Variants in SLC33A1 observed in about 807,000 individuals in gnomAD.
The protein encoded by SLC33A1 is solute carrier family 33 member 1, also known as acetyl-coenzyme A transporter 1.
In SLC33A1, 20 loss-of-function variants were observed where a neutral mutation model predicts 50.0. The observed-to-expected ratio is 0.40, with a 90% CI of 0.28 to 0.58. SLC33A1 has a LOEUF of 0.58. SLC33A1 is among the 20% of genes least tolerant of loss of function. SLC33A1 has a pLI of 0.44. For missense variants in SLC33A1, 476 were observed against 657.0 expected, an observed-to-expected ratio of 0.72 and a Z score of 3.01; for synonymous variants, 265 against 251.8, an observed-to-expected ratio of 1.05 and a Z score of -0.50.
chr3:155,842,374 T>A, intron 2 of SLC33A1, 58 bp downstream of exon 2: 1 of 1,072,204 alleles, frequency 9.3e-7, no homozygotes, highest in Non-Finnish European at 1.4e-6. Context: ...GCATTGTAAG[T>A]ATTCCATGAT....
Position 155,853,682 on chromosome 3 carries a change from A to G in SLC33A1, c.316T>C (p.Tyr106His). Reference protein sequence around the residue: ...PLILQSKNVSYTDQAFFSFVF... With the variant: ...PLILQSKNVSHTDQAFFSFVF... Reference sequence around the variant, plus strand: ...AAACTGAAGAAAGCTTGGTCTGTATAGCTAACATTTTTGCTTTGCAAAATG... The same window carrying G: ...AAACTGAAGAAAGCTTGGTCTGTATGGCTAACATTTTTGCTTTGCAAAATG... The change falls in exon 1 of 6, where the codon TAT becomes CAT. Residue 106 changes from tyrosine (Y) to histidine (H), a missense_variant. Transcript: ENST00000643144. The G allele has an allele frequency of 2.5e-6, 4 of 1,614,196 alleles. No homozygotes were observed. Among genetic ancestry groups the G allele is most frequent in the Non-Finnish European group, 3.4e-6 (4 of 1,180,020 alleles).
chr3:155,837,212 T>C (rs926149341), intron 2 of SLC33A1, among the ~76,000 whole-genome samples: 6 of 151,726 alleles, frequency 4.0e-5, no homozygotes, highest in Non-Finnish European at 8.8e-5. Context: ...CAAAATTAGC[T>C]GGGCGTGGTG....
At chr3:155,850,174 AATTTTTGT>A (rs1199200985) in intron 1 of SLC33A1, among the ~76,000 whole-genome samples, 1 of 151,564 alleles carries the variant, frequency 6.6e-6, no homozygotes, top group Non-Finnish European at 1.5e-5. Context: ...ACACCGGGCT[AATTTTTGT>A]ATTTTTAGAA....
chr3:155,853,452 C>T lies in SLC33A1; in HGVS notation c.546G>A (p.Ala182=), dbSNP rs754093552. 1 of 1,613,964 alleles carries T rather than the reference C, an allele frequency of 6.2e-7. No individual in the cohort carries two copies. Among genetic ancestry groups the T allele is most frequent in the Admixed American group, 1.7e-5 (1 of 60,006 alleles). The part of the protein sequence containing the change: ...RTPDVIALTV[A]FFLFEFLAAT... ...CGGCCAAGAATTCAAACAAAAAGAA[C>T]GCCACAGTGAGAGCAATCACGTCGG... Residue 182 remains alanine, a synonymous_variant, in exon 1 of 6, where the codon GCG becomes GCA. Transcript: ENST00000643144.
intron 2 of SLC33A1, among the ~76,000 whole-genome samples, chr3:155,836,532 T>C (rs1461108553): frequency 6.6e-6 from 1 of 151,974 alleles, no homozygotes; most frequent in Non-Finnish European, 1.5e-5. Context: ...GTTAAAAAAG[T>C]CTTAAAAGTT....
At chr3:155,841,264 C>G (rs1337898066) in intron 2 of SLC33A1, among the ~76,000 whole-genome samples, 2 of 152,032 alleles carry the variant, frequency 1.3e-5, no homozygotes, top group African/African-American at 4.8e-5. Flanking sequence ...CATATTCAGG[C>G]TGGTCTTGAA....
rs1487418195 is a variant in SLC33A1 at position 155,854,007 on chromosome 3, G to C, written c.-10C>G. On this transcript the variant is annotated 5_prime_UTR_variant, in exon 1 of 6. The change creates a new upstream start codon in the 5' untranslated region. Transcript: ENST00000643144. ...AGATGGTGGGTGACATATCAGAGAC[G>C]ATGCAGAGCCCCGTCTGTGGGGGGC... 1.3e-6 allele frequency: 2 copies of C among 1,536,640 alleles called. No homozygotes were observed. Among genetic ancestry groups the C allele is most frequent in the Non-Finnish European group, 1.7e-6 (2 of 1,147,166 alleles).
chr3:155,847,305 A>G (rs1037825167), intron 1 of SLC33A1, among the ~76,000 whole-genome samples: 2 of 152,218 alleles, frequency 1.3e-5, no homozygotes, highest in African/African-American at 4.8e-5. Flanking sequence ...TAGCCTATGT[A>G]AGAATACCTG....
intron 2 of SLC33A1, among the ~76,000 whole-genome samples, chr3:155,840,632 T>C (rs1752894216): frequency 6.6e-6 from 1 of 151,922 alleles, no homozygotes; most frequent in East Asian, 2.0e-4. Flanking sequence ...CTGACCTACA[T>C]GGAGAAACCC....
At chr3:155,830,673 T>C (rs568690449) in intron 4 of SLC33A1, among the ~76,000 whole-genome samples, 4 of 152,058 alleles carry the variant, frequency 2.6e-5, no homozygotes, top group Admixed American at 1.3e-4. Flanking sequence ...AACCTCATAT[T>C]TGTACTGTAC....
intron 2 of SLC33A1, among the ~76,000 whole-genome samples, chr3:155,840,173 C>T (rs1015452143): frequency 9.9e-5 from 15 of 151,306 alleles, no homozygotes; most frequent in South Asian, 2.1e-4. Context: ...CTGCAACCTC[C>T]GCCTCCCGGG....
chr3:155,833,319 A>G, intron 4 of SLC33A1, 149 bp downstream of exon 4: 1 of 698,648 alleles, frequency 1.4e-6, no homozygotes, highest in Non-Finnish European at 2.6e-6. Context: ...GTGAAAAGTC[A>G]TAAAGTTTAA....
Position 155,842,309 on chromosome 3 carries a change from G to A in SLC33A1, c.963+123C>T, listed in dbSNP as rs778244118. 8.9e-5 allele frequency: 56 copies of A among 629,404 alleles called. 2 individuals carry two copies. Among genetic ancestry groups the A allele is most frequent in the South Asian group, 1.4e-4 (7 of 49,902 alleles). 39.0% of individuals were successfully genotyped at this position (629,404 alleles called of 1,614,324 possible). ...ATACATTTAATAAACAGAAAATATT[G>A]TTTTTCATTGTTAAATTCTAATGGT... On this transcript the variant is annotated intron_variant, in intron 2 of 5. Transcript: ENST00000643144.
At chr3:155,842,706 T>C in intron 1 of SLC33A1, 87 bp from the exon 2 acceptor site, 1 of 788,540 alleles carries the variant, frequency 1.3e-6, no homozygotes, top group Non-Finnish European at 1.9e-6. Context: ...AACTTTCAAT[T>C]AAAATGTTAT....
At chr3:155,830,652 G>A (rs1752390644) in intron 4 of SLC33A1, among the ~76,000 whole-genome samples, 1 of 151,808 alleles carries the variant, frequency 6.6e-6, no homozygotes, top group Non-Finnish European at 1.5e-5. Context: ...AATGCATACA[G>A]CAAAATGCAA....
At chr3:155,833,435 G>C in intron 4 of SLC33A1, 33 bp downstream of exon 4, 1 of 997,678 alleles carries the variant, frequency 1.0e-6, no homozygotes, top group Non-Finnish European at 1.6e-6. Flanking sequence ...ACACAGAACA[G>C]TTTATTTCCT....
At chr3:155,849,647 C>T (rs1260987133) in intron 1 of SLC33A1, among the ~76,000 whole-genome samples, 3 of 151,646 alleles carry the variant, frequency 2.0e-5, no homozygotes, top group African/African-American at 4.8e-5. Context: ...GTGGCTCACA[C>T]TTGTAATCCC....
At chr3:155,835,910 C>G (rs1232358281) in intron 2 of SLC33A1, among the ~76,000 whole-genome samples, 1 of 152,134 alleles carries the variant, frequency 6.6e-6, no homozygotes, top group Non-Finnish European at 1.5e-5. Context: ...TCCTTGATCT[C>G]TGTGGCTGTG....
chr3:155,847,872 T>G (rs776694071), intron 1 of SLC33A1, among the ~76,000 whole-genome samples: 21 of 152,244 alleles, frequency 1.4e-4, no homozygotes, highest in Non-Finnish European at 2.8e-4. Context: ...AAAGCAACAC[T>G]TTCTCTCATT....
Sources: gnomAD v4.1 joint callset for allele counts (sites outside exome capture counted in the v4.1 genomes callset) on GRCh38, gnomAD v4.1.1 for gene constraint, MANE v1.5 for transcripts, NCBI Gene and HGNC (gene_info 2026-07-23, HGNC 2026-07-21) for gene names.